FBXO36: variants seen among roughly 807,000 people sequenced by gnomAD.
FBXO36 encodes F-box protein 36.
In FBXO36, 18 loss-of-function variants were observed where a neutral mutation model predicts 17.0. The ratio of observed to expected loss-of-function variants is 1.06; its 90% CI spans 0.73 to 1.57. The LOEUF (loss-of-function observed/expected upper bound fraction) is 1.57. Among genes scored for constraint, FBXO36 ranks in the 40% most tolerant of loss-of-function variants. The probability of loss-of-function intolerance (pLI) is 0.00; values close to 1 mark genes in which losing one functional copy is unlikely to be tolerated. For missense variants in FBXO36, 229 were observed against 221.9 expected (o/e 1.03, Z -0.20); for synonymous variants, 83 against 85.3 (o/e 0.97, Z 0.15).
chr2:229,988,295 A>G lies in FBXO36; in HGVS notation c.206-8456A>G, dbSNP rs535087682. On this transcript the variant is annotated intron_variant, in intron 2 of 3. Coordinates refer to ENST00000283946, the MANE Select transcript of FBXO36 (RefSeq NM_174899.5). ...ACATCTATTATAAACGAAAACTCCTAGAAAGCTAGTAATAGCTTTGTCCTG... is the reference window on the plus strand; with the variant it reads ...ACATCTATTATAAACGAAAACTCCTGGAAAGCTAGTAATAGCTTTGTCCTG... 2.8e-4 allele frequency among the ~76,000 whole-genome samples: 43 copies of G among 152,360 alleles called. No individual in the cohort carries two copies. In the South Asian group the frequency reaches 8.9e-3, roughly 32 times the overall value.
At chr2:229,976,609 A>T (rs1353179133) in intron 2 of FBXO36, 1 of 276,048 alleles carries the variant, frequency 3.6e-6, no homozygotes, top group Non-Finnish European at 6.8e-6. Flanking sequence ...TCATGATGTC[A>T]GGAGTTCGAG....
intron 1 of FBXO36, among the ~76,000 whole-genome samples, chr2:229,966,316 C>A (rs1314225340): frequency 6.6e-6 from 1 of 152,106 alleles, no homozygotes. Context: ...AAATTTTCTC[C>A]CGTTCTGTAG....
At chr2:229,942,538 G>A (rs542500541) in intron 1 of FBXO36, among the ~76,000 whole-genome samples, 170 of 152,266 alleles carry the variant, frequency 1.1e-3, no homozygotes, top group African/African-American at 3.7e-3. Flanking sequence ...AAGCATCATA[G>A]ACTTGAGGCC....
rs767954505 is a variant in FBXO36, at chr2:229,996,980, A to AT, written c.378+62dup. 9.0e-5 allele frequency: 137 copies of AT among 1,524,698 alleles called. No homozygotes were observed. In the East Asian group the frequency reaches 2.6e-3, roughly 28 times the overall value. The allele number at this position is 1,524,698 out of a possible 1,614,324, so 94.4% of individuals were successfully genotyped here. A position where few individuals can be genotyped will look rare whatever the true frequency, so the allele number is the denominator to read the frequency against. ...ATTTTCCATGTGCTTTCTAAAAAAA[A>AT]TTTTTAACATAGCAATCATTTGTTG... On this transcript the variant is annotated intron_variant, in intron 3 of 3. Coordinates refer to ENST00000283946, the MANE Select transcript of FBXO36 (RefSeq NM_174899.5).
At chr2:229,972,180 G>T (rs1459606145) in intron 1 of FBXO36, among the ~76,000 whole-genome samples, 2 of 150,794 alleles carry the variant, frequency 1.3e-5, no homozygotes, top group African/African-American at 4.9e-5. Flanking sequence ...TTTTAGTAGA[G>T]ACTGGGTTTC....
At chr2:229,962,201 A>T (rs1348726440) in intron 1 of FBXO36, among the ~76,000 whole-genome samples, 1 of 151,256 alleles carries the variant, frequency 6.6e-6, no homozygotes. Flanking sequence ...TAGGTTTTAT[A>T]CTCCTTATGT....
At chr2:229,934,995 C>A (rs2076956835) in intron 1 of FBXO36, among the ~76,000 whole-genome samples, 1 of 152,168 alleles carries the variant, frequency 6.6e-6, no homozygotes, top group African/African-American at 2.4e-5. Flanking sequence ...TTTATTCTAA[C>A]CTCCTCTTTA....
At chr2:230,004,665 T>G (rs1439767866) in intron 3 of FBXO36, among the ~76,000 whole-genome samples, 2 of 152,166 alleles carry the variant, frequency 1.3e-5, no homozygotes, top group Non-Finnish European at 2.9e-5. Context: ...TATATTGTTC[T>G]CCATCTGTTT....
At chr2:229,923,680 AT>A (rs199996146) in intron 1 of FBXO36, among the ~76,000 whole-genome samples, 1 of 151,690 alleles carries the variant, frequency 6.6e-6, no homozygotes, top group African/African-American at 2.4e-5. Flanking sequence ...TCCAAAAAAA[AT>A]TTTTTTTAAA....
chr2:229,932,271 A>G (rs2076942618), intron 1 of FBXO36, among the ~76,000 whole-genome samples: 1 of 152,060 alleles, frequency 6.6e-6, no homozygotes. Flanking sequence ...CTGTTATCCC[A>G]GCACTTTAGG....
chr2:229,944,685 T>C (rs1483219167), intron 1 of FBXO36, among the ~76,000 whole-genome samples: 1 of 150,522 alleles, frequency 6.6e-6, no homozygotes, highest in African/African-American at 2.4e-5. Flanking sequence ...CTCCGCCTCC[T>C]GGGTTCATAC....
chr2:230,002,193 C>T (rs766393574), intron 3 of FBXO36, among the ~76,000 whole-genome samples: 1 of 152,032 alleles, frequency 6.6e-6, no homozygotes, highest in South Asian at 2.1e-4. Flanking sequence ...TGACATCTTA[C>T]ATAACCATGG....
At position 229,976,341 on chromosome 2, in the gene FBXO36, A is replaced by C. The variant is rs968852269; in HGVS notation, c.197A>C (p.His66Pro). 4.3e-6 allele frequency: 7 copies of C among 1,610,160 alleles called. No homozygotes were observed. In the East Asian group the frequency reaches 1.6e-4, roughly 36 times the overall value. ...ETHEDFLENS[H>P]LQGQTALIFG... ...CATGAAGACTTCCTAGAGAATTCAC[A>C]TCTTCAAGGTAAGGAACGGAACATA... Residue 66 changes from histidine to proline, a missense_variant, in exon 2 of 4, where the codon CAT (histidine) becomes CCT (proline). Coordinates refer to ENST00000283946, the MANE Select transcript of FBXO36 (RefSeq NM_174899.5).
At chr2:229,953,650 T>A (rs1372089394) in intron 1 of FBXO36, among the ~76,000 whole-genome samples, 1 of 151,240 alleles carries the variant, frequency 6.6e-6, no homozygotes, top group African/African-American at 2.4e-5. Context: ...CCAGCCTGGA[T>A]GACAGAATGA....
chr2:229,985,471 T>C (rs1467229760), intron 2 of FBXO36, among the ~76,000 whole-genome samples: 1 of 152,074 alleles, frequency 6.6e-6, no homozygotes, highest in Non-Finnish European at 1.5e-5. Flanking sequence ...CATTCCTAAC[T>C]AACACCTCTT....
intron 1 of FBXO36, among the ~76,000 whole-genome samples, chr2:229,957,882 A>T (rs533155715): frequency 1.3e-5 from 2 of 152,328 alleles, no homozygotes; most frequent in African/African-American, 4.8e-5. Flanking sequence ...CAAAATTTTT[A>T]AAATAAATTT....
At chr2:229,998,187 T>G (rs116369078) in intron 3 of FBXO36, among the ~76,000 whole-genome samples, 1,533 of 152,364 alleles carry the variant, frequency 0.01, 16 homozygotes, top group Middle Eastern at 0.02. Flanking sequence ...AAAATTAATT[T>G]TAATTCAGGC....
chr2:230,000,830 C>T (rs1217403983), intron 3 of FBXO36, among the ~76,000 whole-genome samples: 3 of 150,106 alleles, frequency 2.0e-5, no homozygotes, highest in Non-Finnish European at 2.9e-5. Flanking sequence ...TTATTCTCCC[C>T]GCATAACATT....
At chr2:229,999,907 G>T in intron 3 of FBXO36, among the ~76,000 whole-genome samples, 1 of 151,596 alleles carries the variant, frequency 6.6e-6, no homozygotes, top group East Asian at 1.9e-4. Flanking sequence ...TTCCTTCTTT[G>T]TATTCATAAG....
Sources: allele counts gnomAD v4.1 joint callset (sites outside exome capture counted in the v4.1 genomes callset), GRCh38; gene constraint gnomAD v4.1.1; transcripts MANE v1.5; gene names NCBI Gene and HGNC (gene_info 2026-07-23, HGNC 2026-07-21).